Variants in LIG1 observed in about 807,000 individuals in gnomAD.
LIG1 encodes the protein DNA ligase 1.
In LIG1, 70 loss-of-function variants were observed where a neutral mutation model predicts 115.7. That is an observed-to-expected ratio of 0.60 (90% CI 0.50 to 0.74). LIG1 has a LOEUF of 0.74. Among genes scored for constraint, LIG1 ranks in the 30% least tolerant of loss-of-function variants. LIG1 has a pLI of 0.00. For synonymous variants in LIG1, 487 were observed against 495.3 expected, an observed-to-expected ratio of 0.98 and a Z score of 0.22; for missense variants, 1,115 against 1,225.6, an observed-to-expected ratio of 0.91 and a Z score of 1.35.
At chr19:48,133,466 A>T in intron 17 of LIG1, 1 of 324,070 alleles carries the variant, frequency 3.1e-6, no homozygotes, top group Non-Finnish European at 5.9e-6. Context: ...GCAGAGGGAC[A>T]CAGGAACCTG....
At chr19:48,163,398 T>A (rs1351065674) in intron 2 of LIG1, among the ~76,000 whole-genome samples, 1 of 151,888 alleles carries the variant, frequency 6.6e-6, no homozygotes, top group Non-Finnish European at 1.5e-5. Flanking sequence ...ATTTTTTTCA[T>A]TTAGTAGAGA....
Position 48,137,494 on chromosome 19 carries a change from T to C in LIG1, c.1254+28A>G, listed in dbSNP as rs2034465747. 3.1e-6 allele frequency: 5 copies of C among 1,608,200 alleles called. No homozygotes were observed. The highest frequency in any genetic ancestry group is 4.2e-6 in the Non-Finnish European group (5 of 1,179,818). On this transcript the variant is annotated intron_variant, in intron 13 of 27. Coordinates refer to ENST00000263274, the MANE Select transcript of LIG1 (RefSeq NM_000234.3). This position sits in a 1 kb window ranked among gnomAD's most constrained non-coding sequence, Gnocchi z 4.3. ...CCTCAGGTCCCCAAGATGTCTGGGG[T>C]CCGGGATGAGCGGCCCGCCCCACTC...
rs1288411985 is a variant in LIG1, at chr19:48,115,631, C to G, written c.*18G>C. 1 of 1,587,544 alleles carries G rather than the reference C, an allele frequency of 6.3e-7. No individual in the cohort carries two copies. Among genetic ancestry groups the G allele is most frequent in the Non-Finnish European group, 8.7e-7 (1 of 1,155,912 alleles). On this transcript the variant is annotated 3_prime_UTR_variant, in exon 28 of 28. Coordinates refer to ENST00000263274, the MANE Select transcript of LIG1 (RefSeq NM_000234.3). ...GTCCAACTCATGCCCTGTACCCAGG[C>G]CCTAGGAGGGCGAGGGCTTAGTAGG...
intron 24 of LIG1, chr19:48,120,284 C>G (rs530454792): frequency 1.0e-6 from 1 of 985,288 alleles, no homozygotes; most frequent in Non-Finnish European, 1.2e-6. Context: ...CATTCAGGTC[C>G]TGTTGCCATA....
intron 6 of LIG1, among the ~76,000 whole-genome samples, chr19:48,152,414 C>A (rs756131694): frequency 3.9e-5 from 6 of 152,226 alleles, no homozygotes; most frequent in Non-Finnish European, 8.8e-5. Context: ...TGAGCCACTG[C>A]ACCTGGCCAA....
chr19:48,126,113 G>T (rs2033651913), intron 21 of LIG1, among the ~76,000 whole-genome samples: 1 of 151,738 alleles, frequency 6.6e-6, no homozygotes, highest in African/African-American at 2.4e-5. Flanking sequence ...CACCCTAACA[G>T]ATAAAGCACC....
At chr19:48,144,661 C>T (rs532844828) in intron 9 of LIG1, among the ~76,000 whole-genome samples, 2 of 152,248 alleles carry the variant, frequency 1.3e-5, no homozygotes, top group South Asian at 4.2e-4. Flanking sequence ...ACGACCACAC[C>T]TGGCTGATTT....
At chr19:48,153,705 G>T (rs1218600620) in intron 6 of LIG1, among the ~76,000 whole-genome samples, 167 bp downstream of exon 6, 1 of 110,382 alleles carries the variant, frequency 9.1e-6, no homozygotes, top group Admixed American at 9.7e-5. Flanking sequence ...TCCTTCTGGG[G>T]GCTCACCTTC....
Position 48,117,696 on chromosome 19 carries a change from C to G in LIG1, c.2525G>C (p.Trp842Ser). The change falls in exon 26 of 28, where the codon TGG (tryptophan) becomes TCG (serine). Residue 842 changes from tryptophan to serine, a missense_variant. Coordinates refer to ENST00000263274, the MANE Select transcript of LIG1 (RefSeq NM_000234.3). ...GGAGAGGTCAGCGCACTTCACCTCCCACACAGCGCTGGGGTCCAGCCAGTG... is the reference window on the plus strand; with the variant it reads ...GGAGAGGTCAGCGCACTTCACCTCCGACACAGCGCTGGGGTCCAGCCAGTG... Reference protein sequence around the residue: ...PDHWLDPSAVWEVKCADLSLS... With the variant: ...PDHWLDPSAVSEVKCADLSLS... 6.2e-7 allele frequency: 1 copy of G among 1,612,618 alleles called. No individual in the cohort carries two copies. Among genetic ancestry groups the G allele is most frequent in the Non-Finnish European group, 8.5e-7 (1 of 1,179,650 alleles).
At chr19:48,141,572 A>T (rs2034759816) in intron 11 of LIG1, among the ~76,000 whole-genome samples, 1 of 152,212 alleles carries the variant, frequency 6.6e-6, no homozygotes, top group Admixed American at 6.5e-5. Flanking sequence ...GTAAGTATGA[A>T]GCTGAGATGT....
intron 21 of LIG1, chr19:48,123,593 T>C: frequency 1.9e-6 from 1 of 524,632 alleles, no homozygotes; most frequent in Non-Finnish European, 3.4e-6. Flanking sequence ...AATTAACACT[T>C]TACGGGCATC....
At chr19:48,169,506 C>T (rs901276084) in intron 1 of LIG1, 2 of 152,312 alleles carry the variant, frequency 1.3e-5, no homozygotes, top group Non-Finnish European at 2.9e-5. Flanking sequence ...AAGAGGTAAG[C>T]TCCATCCCTT....
At chr19:48,136,675 A>G (rs538800466) in intron 14 of LIG1, among the ~76,000 whole-genome samples, 5 of 152,320 alleles carry the variant, frequency 3.3e-5, no homozygotes, top group East Asian at 3.9e-4. Flanking sequence ...TGAGCCCTCA[A>G]TGGATTTGCT....
rs934829562 is a variant in LIG1, at chr19:48,137,737, G to C, written c.1088-49C>G. 3.1e-6 allele frequency: 5 copies of C among 1,594,290 alleles called. No homozygotes were observed. The highest frequency in any genetic ancestry group is 3.4e-6 in the Non-Finnish European group (4 of 1,176,386). On this transcript the variant is annotated intron_variant, in intron 12 of 27. Coordinates refer to ENST00000263274, the MANE Select transcript of LIG1 (RefSeq NM_000234.3). This position sits in a 1 kb window ranked among gnomAD's most constrained non-coding sequence, Gnocchi z 4.3. The stretch of plus-strand genomic sequence containing the variant: ...GGTGTCGAGGGTGACAGTTGTGGCT[G>C]CGTGTCTCCCTTCTCTCGCGGCCTG...
Position 48,133,063 on chromosome 19 carries a change from G to C in LIG1, c.1644C>G (p.Thr548=), listed in dbSNP as rs775533150. The change falls in exon 18 of 28, where the codon ACC becomes ACG. Residue 548 remains threonine (T), a synonymous_variant. Transcript: ENST00000263274. ...GTTTCAGGACCTCGCTGATGCCCCG[G>C]GTGGGATGGGCCAACATTGGTTTCA... ...IPLKPMLAHP[T]RGISEVLKRF... 5 of 1,614,116 alleles carry C rather than the reference G, an allele frequency of 3.1e-6. No individual in the cohort carries two copies. Among genetic ancestry groups the C allele is most frequent in the Non-Finnish European group, 4.2e-6 (5 of 1,179,948 alleles).
rs775619284 is a variant in LIG1, at chr19:48,165,530, G to A, written c.17+20C>T. On this transcript the variant is annotated intron_variant, in intron 2 of 27. Transcript: ENST00000263274. ...AGGACTTGGAGAAGGAAAGACTCAG[G>A]GGCAAGGGAGGGTGCTCACATGATA... The A allele has an allele frequency of 1.9e-6, 3 of 1,581,028 alleles. No homozygotes were observed. The highest frequency in any genetic ancestry group is 2.6e-6 in the Non-Finnish European group (3 of 1,149,714).
In LIG1 at chr19:48,137,501, T is replaced by C; in HGVS notation, c.1254+21A>G. ...TCCCCAAGATGTCTGGGGTCCGGGA[T>C]GAGCGGCCCGCCCCACTCACAGCAC... On this transcript the variant is annotated intron_variant, in intron 13 of 27. Transcript: ENST00000263274. This position sits in a 1 kb window ranked among gnomAD's most constrained non-coding sequence, Gnocchi z 4.3. The C allele has an allele frequency of 6.2e-7, 1 of 1,609,790 alleles. No homozygotes were observed. Among genetic ancestry groups the C allele is most frequent in the Non-Finnish European group, 8.5e-7 (1 of 1,179,902 alleles).
intron 12 of LIG1, among the ~76,000 whole-genome samples, chr19:48,138,496 C>T (rs2034540160): frequency 6.6e-6 from 1 of 152,234 alleles, no homozygotes; most frequent in South Asian, 2.1e-4. Context: ...AGCGAAACTG[C>T]CACAAATGGG....
At chr19:48,130,466 T>C (rs1225665742) in intron 19 of LIG1, among the ~76,000 whole-genome samples, 3 of 152,352 alleles carry the variant, frequency 2.0e-5, no homozygotes, top group South Asian at 2.1e-4. Flanking sequence ...CAGCCCTGTA[T>C]GACTCTGAGC....
Sources: allele counts gnomAD v4.1 joint callset (sites outside exome capture counted in the v4.1 genomes callset), GRCh38; gene constraint gnomAD v4.1.1; non-coding constraint Gnocchi (gnomAD v3.1); transcripts MANE v1.5; gene names NCBI Gene and HGNC (gene_info 2026-07-23, HGNC 2026-07-21).